The following ZNF85 variants were observed in gnomAD, a reference collection of about 807,000 sequenced individuals.
The protein encoded by ZNF85 is zinc finger protein 85 (HPF4, HTF1).
ZNF85 carries 50 observed loss-of-function variants against 53.9 expected under a neutral mutation model. That is an observed-to-expected ratio of 0.93 (90% confidence interval 0.74 to 1.17). The LOEUF (loss-of-function observed/expected upper bound fraction) is 1.17, where lower values mean the gene tolerates loss of function less well. Ranked by LOEUF, ZNF85 falls within the 50% of genes most tolerant of loss-of-function variation. The pLI is 0.00. For missense variants in ZNF85, 747 were observed against 688.5 expected, an observed-to-expected ratio of 1.08 and a Z score of -0.95; for synonymous variants, 225 against 226.1, an observed-to-expected ratio of 1.00 and a Z score of 0.04.
chr19:20,945,771 C>A (rs2144665302), intron 3 of ZNF85: 1 of 152,358 alleles, frequency 6.6e-6, no homozygotes, highest in South Asian at 2.1e-4. Flanking sequence ...AGGTTTGAGC[C>A]ACCGCACCCA....
At chr19:20,933,305 T>G (rs1351846602) in intron 1 of ZNF85, among the ~76,000 whole-genome samples, 1 of 152,118 alleles carries the variant, frequency 6.6e-6, no homozygotes, top group Non-Finnish European at 1.5e-5. Context: ...TTTTCTTCAT[T>G]ATTATCTTAA....
chr19:20,948,853 A>C lies in ZNF85; in HGVS notation c.339A>C (p.Pro113=), dbSNP rs749669189. 1 of 1,613,232 alleles carries C rather than the reference A, an allele frequency of 6.2e-7. No individual in the cohort carries two copies. Among genetic ancestry groups the C allele is most frequent in the Non-Finnish European group, 8.5e-7 (1 of 1,179,698 alleles). Residue 113 remains proline (P), a synonymous_variant, in exon 4 of 4, where the codon CCA becomes CCC. Coordinates refer to ENST00000328178, the MANE Select transcript of ZNF85 (RefSeq NM_003429.5). ...RYGKCRHENL[P]LRKGCESMDE... ...GAAAATGTAGACATGAAAATTTACC[A>C]TTAAGAAAAGGCTGTGAAAGTATGG...
At chr19:20,925,557 T>C (rs1346031248) in intron 1 of ZNF85, among the ~76,000 whole-genome samples, 1 of 152,010 alleles carries the variant, frequency 6.6e-6, no homozygotes, top group Non-Finnish European at 1.5e-5. Flanking sequence ...CTGGATTCTC[T>C]AAGATTTGTG....
At position 20,949,681 on chromosome 19, in the gene ZNF85, G is replaced by C. The variant is rs1438400129; in HGVS notation, c.1167G>C (p.Lys389Asn). ...FNHFSHLTTH[K>N]IIHTGEKPYK... ...ATTTCTCACACCTTACTACACATAA[G>C]ATAATTCATACTGGAGAGAAACCTT... is the stretch of plus-strand genomic sequence containing the variant. The change falls in exon 4 of 4, where the codon AAG (lysine) becomes AAC (asparagine). Residue 389 changes from lysine (K) to asparagine (N), a missense_variant. Coordinates refer to ENST00000328178, the MANE Select transcript of ZNF85 (RefSeq NM_003429.5). The C allele has an allele frequency of 6.2e-7, 1 of 1,613,066 alleles. No homozygotes were observed. Among genetic ancestry groups the C allele is most frequent in the Non-Finnish European group, 8.5e-7 (1 of 1,179,484 alleles).
At chr19:20,935,700 T>C (rs1483378462) in intron 3 of ZNF85, among the ~76,000 whole-genome samples, 1 of 150,700 alleles carries the variant, frequency 6.6e-6, no homozygotes, top group Non-Finnish European at 1.5e-5. Context: ...CAGGCTGGAG[T>C]GCAATGGTGT....
At chr19:20,924,177 T>TA (rs1280679310) in intron 1 of ZNF85, among the ~76,000 whole-genome samples, 4 of 151,774 alleles carry the variant, frequency 2.6e-5, no homozygotes, top group African/African-American at 7.3e-5. Flanking sequence ...TCAGCTATGG[T>TA]TTGTAGTTTG....
At chr19:20,947,488 CTTTT>C (rs768097517) in intron 3 of ZNF85, among the ~76,000 whole-genome samples, 12 of 51,636 alleles carry the variant, frequency 2.3e-4, no homozygotes, top group South Asian at 8.7e-4. Context: ...TGCCAATACA[CTTTT>C]TTTTTTTTTT....
intron 3 of ZNF85, chr19:20,946,437 C>T (rs1973422057): frequency 1.3e-5 from 4 of 300,554 alleles, no homozygotes; most frequent in East Asian, 1.0e-4. Context: ...TTCTAATATT[C>T]TTTTTTTTTA....
rs745387974 is a variant in ZNF85 at position 20,950,269 on chromosome 19, G to C, written c.1755G>C (p.Lys585Asn). The C allele has an allele frequency of 1.3e-6, 2 of 1,551,180 alleles. No homozygotes were observed. The highest frequency in any genetic ancestry group is 1.3e-5 in the South Asian group (1 of 79,326). ...GGTCCTCAGTCCTTACTAAACATAA[G>C]ATAATTCATACCGGAGAAAAATTAC... ...FKWSSVLTKH[K>N]IIHTGEKLQI Residue 585 changes from lysine to asparagine, a missense_variant, in exon 4 of 4, where the codon AAG (lysine) becomes AAC (asparagine). By Grantham distance (94) the Lys-to-Asn change is moderately conservative. Transcript: ENST00000328178.
rs151059957 is a variant in ZNF85, at chr19:20,925,588, A to G, written c.3+2185A>G. Reference sequence around the variant, plus strand: ...TTGTGAAAGAAAAAATAGTATCCCAAAAGACAAAAAAAAGGTCACCCCAGT... The same window carrying G: ...TTGTGAAAGAAAAAATAGTATCCCAGAAGACAAAAAAAAGGTCACCCCAGT... On this transcript the variant is annotated intron_variant, in intron 1 of 3. Transcript: ENST00000328178. 1.1e-4 allele frequency among the ~76,000 whole-genome samples: 16 copies of G among 152,326 alleles called. No individual in the cohort carries two copies. The East Asian group carries it at 3.1e-3, about 29-fold the overall frequency.
intron 1 of ZNF85, 104 bp downstream of exon 1, chr19:20,923,507 T>C: frequency 6.3e-7 from 1 of 1,579,320 alleles, no homozygotes; most frequent in Non-Finnish European, 8.6e-7. Flanking sequence ...AGCTCCACAA[T>C]CTGCGCTCCA....
rs1031097584 is a variant in ZNF85, at chr19:20,950,468, G to A, written c.*166G>A. ...AAATTCTAAAAATGTGAAGACTATG[G>A]CAAAGTCTTTAAATGGTTGTCACAC... On this transcript the variant is annotated 3_prime_UTR_variant, in exon 4 of 4. Transcript: ENST00000328178. 3.9e-5 allele frequency: 20 copies of A among 516,532 alleles called. No homozygotes were observed. Among genetic ancestry groups the A allele is most frequent in the Admixed American group, 2.2e-4 (6 of 26,680 alleles). The allele number at this position is 516,532 out of a possible 1,614,324, so 32.0% of individuals were successfully genotyped here.
At chr19:20,928,115 T>C (rs1972923144) in intron 1 of ZNF85, 1 of 152,068 alleles carries the variant, frequency 6.6e-6, no homozygotes. Context: ...TAGAGGGAGG[T>C]TATGGGAATC....
At chr19:20,937,443 G>A (rs1307680176) in intron 3 of ZNF85, 3 of 440,962 alleles carry the variant, frequency 6.8e-6, no homozygotes, top group Non-Finnish European at 9.1e-6. Flanking sequence ...TTGATCAGAA[G>A]GCTGCTGGGT....
chr19:20,944,642 CTATGATTT>C (rs897439479), intron 3 of ZNF85, among the ~76,000 whole-genome samples: 3 of 147,996 alleles, frequency 2.0e-5, no homozygotes, highest in Non-Finnish European at 4.5e-5. Context: ...CTATATTATT[CTATGATTT>C]TTTTTCATGA....
chr19:20,942,305 G>A (rs1266518614), intron 3 of ZNF85, among the ~76,000 whole-genome samples: 9 of 151,078 alleles, frequency 6.0e-5, no homozygotes, highest in Admixed American at 5.9e-4. Context: ...TCCACACCTG[G>A]CTAATTTTTT....
In ZNF85 at chr19:20,934,110, A is replaced by C. The variant is rs1973098954; in HGVS notation, c.90A>C (p.Arg30Ser). 3 of 1,612,684 alleles carry C rather than the reference A, an allele frequency of 1.9e-6. No homozygotes were observed. Among genetic ancestry groups the C allele is most frequent in the Non-Finnish European group, 2.5e-6 (3 of 1,179,238 alleles). Residue 30 changes from arginine to serine, a missense_variant, in exon 2 of 4, where the codon AGA becomes AGC. Physicochemically the swap from Arg to Ser is moderately radical, Grantham distance 110. Transcript: ENST00000328178. ...CLDTAQRNLY[R>S]NVMLENYRNL... Reference sequence around the variant, plus strand: ...ACACTGCACAGCGGAATTTATATAGAAATGTGATGTTAGAGAACTACAGAA... The same window carrying C: ...ACACTGCACAGCGGAATTTATATAGCAATGTGATGTTAGAGAACTACAGAA...
intron 2 of ZNF85, 137 bp from the exon 3 acceptor site, chr19:20,934,812 C>A (rs1478597254): frequency 2.9e-4 from 104 of 362,358 alleles, no homozygotes; most frequent in East Asian, 2.9e-4. Context: ...ACCTACAAAT[C>A]AAAAATATTT....
Position 20,949,090 on chromosome 19 carries a change from T to C in ZNF85, c.576T>C (p.His192=), listed in dbSNP as rs1973495941. ...GCATGATTTCATGCCTAACTGAACA[T>C]AGCAGAATTCATACTAGAGTAAATT... ...SFGMISCLTE[H]SRIHTRVNFY... The change falls in exon 4 of 4, where the codon CAT becomes CAC. Residue 192 remains histidine (H), a synonymous_variant. Coordinates refer to ENST00000328178, the MANE Select transcript of ZNF85 (RefSeq NM_003429.5). 1.2e-6 allele frequency: 2 copies of C among 1,613,652 alleles called. No homozygotes were observed. Among genetic ancestry groups the C allele is most frequent in the East Asian group, 2.2e-5 (1 of 44,868 alleles).
Sources: gnomAD v4.1 joint callset for allele counts (sites outside exome capture counted in the v4.1 genomes callset) on GRCh38, gnomAD v4.1.1 for gene constraint, MANE v1.5 for transcripts, NCBI Gene and HGNC (gene_info 2026-07-23, HGNC 2026-07-21) for gene names.